Variants in PPARGC1A observed in about 807,000 individuals in gnomAD.
PPARGC1A encodes the protein PPARG coactivator 1 alpha, also known as peroxisome proliferator-activated receptor gamma coactivator 1-alpha.
A neutral mutation model predicts 88.7 loss-of-function variants in PPARGC1A; 25 were observed. The ratio of observed to expected loss-of-function variants is 0.28; its 90% CI spans 0.21 to 0.39. The LOEUF is 0.39. PPARGC1A is among the 10% of genes least tolerant of loss of function. PPARGC1A has a pLI of 1.00. For missense variants in PPARGC1A, 880 were observed against 968.7 expected, an observed-to-expected ratio of 0.91 and a Z score of 1.22; for synonymous variants, 363 against 355.6, an observed-to-expected ratio of 1.02 and a Z score of -0.24.
the PPARGC1A span, among the ~76,000 whole-genome samples, chr4:24,227,928 C>T: frequency 6.6e-6 from 1 of 152,214 alleles, no homozygotes; most frequent in East Asian, 1.9e-4. Flanking sequence ...GTCTTGGTTT[C>T]CATGGGGGAA....
chr4:23,923,414 C>T, the PPARGC1A span, among the ~76,000 whole-genome samples: 1 of 152,132 alleles, frequency 6.6e-6, no homozygotes, highest in Non-Finnish European at 1.5e-5. Context: ...CCTATTCATT[C>T]ATTCAACAAT....
the PPARGC1A span, among the ~76,000 whole-genome samples, chr4:23,930,051 C>T: frequency 2.6e-5 from 4 of 152,236 alleles, no homozygotes; most frequent in East Asian, 1.9e-4. Context: ...CAGGGTGCCA[C>T]GTTAAATATA....
intron 1 of PPARGC1A, among the ~76,000 whole-genome samples, chr4:23,899,084 C>CA (rs1491313094): frequency 4.4e-3 from 18 of 4,050 alleles, no homozygotes; most frequent in Non-Finnish European, 0.011. Context: ...TGATGATCCA[C>CA]CCCCCCCCGG....
the PPARGC1A span, among the ~76,000 whole-genome samples, chr4:23,937,874 C>T: frequency 3.3e-5 from 5 of 152,254 alleles, no homozygotes; most frequent in South Asian, 2.1e-4. Context: ...TTCAATTATA[C>T]GACTTCTCAT....
chr4:24,035,994 G>A, the PPARGC1A span, among the ~76,000 whole-genome samples: 5 of 152,142 alleles, frequency 3.3e-5, no homozygotes, highest in African/African-American at 1.2e-4. Context: ...GGATAGCAAA[G>A]TGTTTTAGAA....
At chr4:24,154,441 GC>G in the PPARGC1A span, among the ~76,000 whole-genome samples, 1 of 152,176 alleles carries the variant, frequency 6.6e-6, no homozygotes, top group Non-Finnish European at 1.5e-5. Context: ...GTATTGTATG[GC>G]AGAGCTTTAA....
At chr4:24,008,316 T>C in the PPARGC1A span, among the ~76,000 whole-genome samples, 3 of 152,322 alleles carry the variant, frequency 2.0e-5, no homozygotes, top group South Asian at 6.2e-4. Flanking sequence ...GAGCTCTTTA[T>C]TTAAAGGAAA....
At chr4:24,250,673 TC>T in the PPARGC1A span, among the ~76,000 whole-genome samples, 2 of 151,942 alleles carry the variant, frequency 1.3e-5, no homozygotes. Context: ...CTAAATAACT[TC>T]CAAATAGCAC....
the PPARGC1A span, among the ~76,000 whole-genome samples, chr4:24,234,557 A>G: frequency 3.9e-4 from 60 of 152,332 alleles, no homozygotes; most frequent in East Asian, 8.7e-3. Context: ...TCCAATTAGA[A>G]TAAGTGTCTC....
the PPARGC1A span, among the ~76,000 whole-genome samples, chr4:24,247,404 T>C: frequency 3.3e-5 from 5 of 152,188 alleles, no homozygotes; most frequent in Non-Finnish European, 5.9e-5. Flanking sequence ...TAAAACTCCG[T>C]TTACTTCCGG....
chr4:23,980,634 AC>A, the PPARGC1A span, among the ~76,000 whole-genome samples: 1 of 152,164 alleles, frequency 6.6e-6, no homozygotes, highest in Non-Finnish European at 1.5e-5. Context: ...AAGCTAAGCA[AC>A]CAGGAGCAAT....
chr4:24,101,128 G>A, the PPARGC1A span, among the ~76,000 whole-genome samples: 1 of 152,204 alleles, frequency 6.6e-6, no homozygotes, highest in Admixed American at 6.5e-5. Context: ...GGCCTGGTGG[G>A]AGGTGATTGG....
chr4:24,258,719 T>C, the PPARGC1A span, among the ~76,000 whole-genome samples: 1 of 152,250 alleles, frequency 6.6e-6, no homozygotes, highest in African/African-American at 2.4e-5. Flanking sequence ...TTTCAGCATA[T>C]GGACTTGTCT....
chr4:23,940,323 A>G, the PPARGC1A span, among the ~76,000 whole-genome samples: 1 of 152,192 alleles, frequency 6.6e-6, no homozygotes, highest in Admixed American at 6.5e-5. Flanking sequence ...AAGACGCTAC[A>G]TGGAACGCAG....
At chr4:24,132,161 A>T in the PPARGC1A span, among the ~76,000 whole-genome samples, 8 of 152,114 alleles carry the variant, frequency 5.3e-5, no homozygotes, top group African/African-American at 1.9e-4. Flanking sequence ...AATAGAGGAG[A>T]TTGAGGCAGA....
At chr4:23,985,939 A>T in the PPARGC1A span, among the ~76,000 whole-genome samples, 5 of 152,014 alleles carry the variant, frequency 3.3e-5, no homozygotes, top group Admixed American at 6.6e-5. Context: ...CTCTAGCCTT[A>T]GTTCTGAGAC....
At chr4:24,008,879 G>C in the PPARGC1A span, among the ~76,000 whole-genome samples, 2 of 152,064 alleles carry the variant, frequency 1.3e-5, no homozygotes, top group African/African-American at 4.8e-5. Flanking sequence ...TTCTGTTACT[G>C]TCTTAGAAAA....
At chr4:23,872,949 G>A (rs139800010) in intron 2 of PPARGC1A, among the ~76,000 whole-genome samples, 4,469 of 152,110 alleles carry the variant, frequency 0.029, 101 homozygotes, top group African/African-American at 0.062. Context: ...CCCGCACTTC[G>A]GGAGGCCGAG....
the PPARGC1A span, among the ~76,000 whole-genome samples, chr4:24,203,367 T>C: frequency 6.6e-6 from 1 of 152,138 alleles, no homozygotes; most frequent in African/African-American, 2.4e-5. Context: ...GGTAAAACCC[T>C]GTCTCTACTA....
Sources: gnomAD v4.1 joint callset for allele counts (sites outside exome capture counted in the v4.1 genomes callset) on GRCh38, gnomAD v4.1.1 for gene constraint, MANE v1.5 for transcripts, NCBI Gene and HGNC (gene_info 2026-07-23, HGNC 2026-07-21) for gene names.